The following STAB1 variants were observed in gnomAD, a reference collection of about 807,000 sequenced individuals.
STAB1 encodes the protein stabilin-1.
In STAB1, 250 loss-of-function variants were observed where a neutral mutation model predicts 332.4. The ratio of observed to expected loss-of-function variants is 0.75; its 90% CI spans 0.68 to 0.84. The LOEUF is 0.84. Ranked by LOEUF, STAB1 falls within the 40% of genes least tolerant of loss-of-function variation. The pLI is 0.00. For missense variants in STAB1, 3,249 were observed against 3,489.7 expected, an observed-to-expected ratio of 0.93 and a Z score of 1.74; for synonymous variants, 1,475 against 1,390.4, an observed-to-expected ratio of 1.06 and a Z score of -1.35.
At position 52,513,940 on chromosome 3, in the gene STAB1, G is replaced by C. The variant is rs146570004; in HGVS notation, c.3406G>C (p.Asp1136His). The C allele has an allele frequency of 7.5e-6, 12 of 1,606,294 alleles. No homozygotes were observed. In the African/African-American group the frequency reaches 9.3e-5, roughly 12 times the overall value. The change falls in exon 32 of 69, where the codon GAC (aspartate) becomes CAC (histidine). Residue 1136 changes from aspartate to histidine, a missense_variant. By Grantham distance (81) the Asp-to-His change is moderately conservative. Transcript: ENST00000321725. Reference protein sequence around the residue: ...PGGQGLLQQLDLVPAFSLFRE... With the variant: ...PGGQGLLQQLHLVPAFSLFRE... ...TGGGCAGGGGTTGCTGCAGCAGCTGGACTTGGTGCCTGCCTTCAGCCTCTT... is the reference window on the plus strand; with the variant it reads ...TGGGCAGGGGTTGCTGCAGCAGCTGCACTTGGTGCCTGCCTTCAGCCTCTT...
At position 52,495,340 on chromosome 3, in the gene STAB1, G is replaced by T; in HGVS notation, c.-74G>T. 1 of 1,179,506 alleles carries T rather than the reference G, an allele frequency of 8.5e-7. No homozygotes were observed. The highest frequency in any genetic ancestry group is 1.1e-6 in the Non-Finnish European group (1 of 924,712). 73.1% of individuals were successfully genotyped at this position (1,179,506 alleles called of 1,614,324 possible). On this transcript the variant is annotated 5_prime_UTR_variant, in exon 1 of 69. Coordinates refer to ENST00000321725, the MANE Select transcript of STAB1 (RefSeq NM_015136.3). ...GGCCACTGCCCGCCCCGTCCCGCCT[G>T]CCTGTGCTGTGCCTGCCTCCTAGAG... is the stretch of plus-strand genomic sequence containing the variant.
chr3:52,511,231 A>G (rs1294706936), intron 25 of STAB1, among the ~76,000 whole-genome samples: 4 of 152,196 alleles, frequency 2.6e-5, no homozygotes, highest in Non-Finnish European at 5.9e-5. Context: ...AGACAAGCCC[A>G]GGGACACTGG....
chr3:52,505,106 G>T lies in STAB1; in HGVS notation c.1481G>T (p.Arg494Leu). The T allele has an allele frequency of 6.2e-7, 1 of 1,613,464 alleles. No individual in the cohort carries two copies. ...NGVFHVVTGL[R>L]WQAPSGTPGD... Reference sequence around the variant, plus strand: ...GTCTTCCACGTGGTCACTGGCCTGCGGTGGCAGGCCCCCTCTGGGACCCCT... The same window carrying T: ...GTCTTCCACGTGGTCACTGGCCTGCTGTGGCAGGCCCCCTCTGGGACCCCT... The change falls in exon 13 of 69, where the codon CGG (arginine) becomes CTG (leucine). Residue 494 changes from arginine (R) to leucine (L), a missense_variant. Arg to Leu is a moderately radical substitution (Grantham distance 102, BLOSUM62 -2). Coordinates refer to ENST00000321725, the MANE Select transcript of STAB1 (RefSeq NM_015136.3).
At chr3:52,518,400 C>A in intron 46 of STAB1, 41 bp downstream of exon 46, 1 of 1,603,418 alleles carries the variant, frequency 6.2e-7, no homozygotes, top group Non-Finnish European at 8.5e-7. Flanking sequence ...GCAAGTCCCA[C>A]CCCTCTCTGG....
intron 68 of STAB1, 40 bp downstream of exon 68, chr3:52,524,253 G>A: frequency 1.2e-6 from 2 of 1,613,942 alleles, no homozygotes; most frequent in Non-Finnish European, 1.7e-6. Context: ...ATGTGGGATG[G>A]GCCCAGGCCC....
intron 18 of STAB1, 36 bp from the exon 19 acceptor site, chr3:52,507,577 T>C: frequency 6.2e-7 from 1 of 1,600,314 alleles, no homozygotes; most frequent in Non-Finnish European, 8.5e-7. Flanking sequence ...AAACAATGAC[T>C]AACCCCTCTC....
intron 1 of STAB1, among the ~76,000 whole-genome samples, chr3:52,496,904 G>A (rs949399071): frequency 1.4e-4 from 22 of 152,214 alleles, no homozygotes; most frequent in Non-Finnish European, 2.2e-4. Context: ...CACTGTAAGT[G>A]CAGTTGGCCC....
chr3:52,508,228 G>A (rs745673944), intron 20 of STAB1, 45 bp from the exon 21 acceptor site: 3 of 1,566,726 alleles, frequency 1.9e-6, no homozygotes, highest in South Asian at 2.3e-5. Context: ...GGGCAGGGAG[G>A]GCATGGACCC....
At chr3:52,513,066 C>G (rs1356505960) in intron 29 of STAB1, 64 bp from the exon 30 acceptor site, 1 of 1,554,916 alleles carries the variant, frequency 6.4e-7, no homozygotes, top group Non-Finnish European at 8.7e-7. Flanking sequence ...TGGGCCCAGC[C>G]CCAAAGGTCT....
chr3:52,523,934 G>A lies in STAB1; in HGVS notation c.7459G>A (p.Gly2487Arg), dbSNP rs1225303130. 8.7e-6 allele frequency: 14 copies of A among 1,610,414 alleles called. No individual in the cohort carries two copies. Among genetic ancestry groups the A allele is most frequent in the Non-Finnish European group, 1.2e-5 (14 of 1,179,908 alleles). Residue 2487 changes from glycine to arginine, a missense_variant, in exon 67 of 69, where the codon GGA becomes AGA. Physicochemically the swap from Gly to Arg is moderately radical, Grantham distance 125. Transcript: ENST00000321725. ...AGGCGTGGGGGCTGTGCTTGCCGCT[G>A]GAGCACTGCTTGGCTTGGTGGCCGG... ...AAGVGAVLAAGALLGLVAGAL... is the reference protein window; with the variant it reads ...AAGVGAVLAARALLGLVAGAL...
At chr3:52,512,537 G>C in intron 27 of STAB1, 59 bp from the exon 28 acceptor site, 1 of 1,613,184 alleles carries the variant, frequency 6.2e-7, no homozygotes, top group Non-Finnish European at 8.5e-7. Flanking sequence ...GATCCATGGT[G>C]GGGAAGGGGC....
In STAB1 at chr3:52,506,766, C is replaced by T; in HGVS notation, c.1905C>T (p.His635=). Residue 635 remains histidine (H), a synonymous_variant, in exon 18 of 69, where the codon CAC becomes CAT. Coordinates refer to ENST00000321725, the MANE Select transcript of STAB1 (RefSeq NM_015136.3). ...VDVMAANGVI[H]MLDGILLPPT... ...TGATGGCCGCCAATGGTGTGATCCA[C>T]ATGCTGGACGGCATCCTGCTGCCCC... The T allele has an allele frequency of 6.2e-7, 1 of 1,612,818 alleles. No homozygotes were observed. The highest frequency in any genetic ancestry group is 8.5e-7 in the Non-Finnish European group (1 of 1,179,624).
chr3:52,505,180 C>A, intron 13 of STAB1, 37 bp downstream of exon 13: 1 of 1,609,586 alleles, frequency 6.2e-7, no homozygotes. Context: ...CCCTGTGCTG[C>A]TGGGTAATCT....
intron 55 of STAB1, 90 bp from the exon 56 acceptor site, chr3:52,521,271 G>A (rs1575366122): frequency 1.3e-6 from 2 of 1,568,122 alleles, no homozygotes; most frequent in East Asian, 2.2e-5. Context: ...ATAGGTCAGG[G>A]ACAGATGGCA....
intron 50 of STAB1, 22 bp from the exon 51 acceptor site, chr3:52,519,922 C>T (rs1458679329): frequency 6.4e-7 from 1 of 1,553,654 alleles, no homozygotes; most frequent in Non-Finnish European, 8.7e-7. Flanking sequence ...GCGACTGCCA[C>T]ATCTTTGCTG....
chr3:52,501,326 C>T (rs1280670210), intron 2 of STAB1, 24 bp downstream of exon 2: 1 of 1,610,138 alleles, frequency 6.2e-7, no homozygotes, highest in Non-Finnish European at 8.5e-7. Flanking sequence ...CTGTCCTTGC[C>T]TGTGTCCAGG....
chr3:52,505,389 C>A lies in STAB1; in HGVS notation c.1581+8C>A, dbSNP rs371042844. The A allele has an allele frequency of 7.4e-6, 12 of 1,612,432 alleles. No homozygotes were observed. In the African/African-American group the frequency reaches 1.6e-4, roughly 22 times the overall value. ...TTTGAAACCATCCTGGAGGTAAGCT[C>A]GGGGGAGGGGTCCTAGCCCATGTGG... On this transcript the variant is annotated splice_region_variant and intron_variant, in intron 14 of 68. Transcript: ENST00000321725.
chr3:52,495,461 C>A lies in STAB1; in HGVS notation c.48C>A (p.Cys16Ter). ...TCCCACTCTGCCTCCTGGCCTTCTGCCTGGCAGGCTTCAGCTTCGTCAGGG... is the reference window on the plus strand; with the variant it reads ...TCCCACTCTGCCTCCTGGCCTTCTGACTGGCAGGCTTCAGCTTCGTCAGGG... The part of the protein sequence containing the change: ...GLLPLCLLAF[C>*]LAGFSFVRGQ... The change falls in exon 1 of 69, where the codon TGC becomes TGA. Residue 16 changes from cysteine (C) to a stop codon, truncating the protein, a stop_gained. Coordinates refer to ENST00000321725, the MANE Select transcript of STAB1 (RefSeq NM_015136.3). LOFTEE classifies it high-confidence loss of function. 1 of 1,342,176 alleles carries A rather than the reference C, an allele frequency of 7.5e-7. No homozygotes were observed. The highest frequency in any genetic ancestry group is 9.6e-7 in the Non-Finnish European group (1 of 1,039,590). 83.1% of individuals were successfully genotyped at this position (1,342,176 alleles called of 1,614,324 possible).
rs1396419036 is a variant in STAB1 at position 52,505,095 on chromosome 3, C to T, written c.1470C>T (p.Val490=). Residue 490 remains valine, a synonymous_variant, in exon 13 of 69, where the codon GTC becomes GTT. Coordinates refer to ENST00000321725, the MANE Select transcript of STAB1 (RefSeq NM_015136.3). ...CAGCTAATGGCGTCTTCCACGTGGT[C>T]ACTGGCCTGCGGTGGCAGGCCCCCT... ...NIAANGVFHV[V]TGLRWQAPSG... 3 of 1,613,554 alleles carry T rather than the reference C, an allele frequency of 1.9e-6. No individual in the cohort carries two copies. Among genetic ancestry groups the T allele is most frequent in the Non-Finnish European group, 2.5e-6 (3 of 1,180,020 alleles).
Sources: allele counts gnomAD v4.1 joint callset (sites outside exome capture counted in the v4.1 genomes callset), GRCh38; gene constraint gnomAD v4.1.1; transcripts MANE v1.5; gene names NCBI Gene and HGNC (gene_info 2026-07-23, HGNC 2026-07-21).